The following TMEM63B variants were observed in gnomAD, a reference collection of about 807,000 sequenced individuals.
The protein encoded by TMEM63B is transmembrane protein 63B, also known as mechanosensitive cation channel TMEM63B.
In TMEM63B, 23 loss-of-function variants were observed where a neutral mutation model predicts 102.6. The ratio of observed to expected loss-of-function variants is 0.22; its 90% confidence interval spans 0.16 to 0.32. The LOEUF is 0.32. Among genes scored for constraint, TMEM63B ranks in the 10% least tolerant of loss-of-function variants. The probability of loss-of-function intolerance (pLI) is 1.00; values close to 1 mark genes in which losing one functional copy is unlikely to be tolerated. For synonymous variants in TMEM63B, 444 were observed against 437.0 expected, an observed-to-expected ratio of 1.02 and a Z score of -0.20; for missense variants, 628 against 1,095.9, an observed-to-expected ratio of 0.57 and a Z score of 6.03.
chr6:44,151,204 T>G (rs1204039355), intron 18 of TMEM63B, among the ~76,000 whole-genome samples: 1 of 152,078 alleles, frequency 6.6e-6, no homozygotes, highest in Non-Finnish European at 1.5e-5. Flanking sequence ...CTCTAAAATT[T>G]CAGGCTTTTA....
Position 44,152,687 on chromosome 6 carries a change from T to G in TMEM63B, c.1931T>G (p.Ile644Ser). The part of the protein sequence containing the change: ...VMTYSITCPI[I>S]VPFGLMYMLL... ...ACCTACAGTATCACCTGCCCCATCA[T>G]CGTGCCCTTCGGTAGGCACCGCCGC... Residue 644 changes from isoleucine (I) to serine (S), a missense_variant, in exon 20 of 24, where the codon ATC becomes AGC. Physicochemically the swap from Ile to Ser is moderately radical, Grantham distance 142. This residue lies in a region of TMEM63B where 90 missense variants were observed against 136.7 expected (regional missense o/e 0.66). Transcript: ENST00000323267. The surrounding 1 kb of genome is among the most constrained non-coding windows in gnomAD (Gnocchi z 6.4). 6.2e-7 allele frequency: 1 copy of G among 1,606,732 alleles called. No homozygotes were observed. The highest frequency in any genetic ancestry group is 8.5e-7 in the Non-Finnish European group (1 of 1,179,904).
chr6:44,145,287 A>AC (rs1259235424), intron 10 of TMEM63B, among the ~76,000 whole-genome samples: 1 of 151,616 alleles, frequency 6.6e-6, no homozygotes, highest in African/African-American at 2.4e-5. Context: ...AAAAAAAAAA[A>AC]AAAAGCTATT....
chr6:44,145,016 C>T (rs1328339994), intron 10 of TMEM63B, among the ~76,000 whole-genome samples: 2 of 152,272 alleles, frequency 1.3e-5, no homozygotes, highest in South Asian at 2.1e-4. Flanking sequence ...GTGGCTCACA[C>T]CTGTAATCCC....
chr6:44,149,957 C>T lies in TMEM63B; in HGVS notation c.1512C>T (p.His504=). 6.2e-7 allele frequency: 1 copy of T among 1,613,206 alleles called. No individual in the cohort carries two copies. Residue 504 remains histidine, a synonymous_variant, in exon 16 of 24, where the codon CAC becomes CAT. Coordinates refer to ENST00000323267, the MANE Select transcript of TMEM63B (RefSeq NM_018426.3). ...IVYYSAFFEA[H]WTRSGENRTT... ...ACTACTCAGCCTTCTTTGAAGCCCA[C>T]TGGACACGGTAAGGTGCCTCCACTC...
In TMEM63B at chr6:44,139,768, C is replaced by T. The variant is rs139340075; in HGVS notation, c.602+9C>T. 2.4e-4 allele frequency: 392 copies of T among 1,614,092 alleles called. 1 individual carries two copies. In the African/African-American group the frequency reaches 3.3e-3, roughly 14 times the overall value. ...GCCAACTTGAAATCAGGGTAAGATGCGAAGCTGGTCGGCCAGGCCAAGGTC... is the reference window on the plus strand; with the variant it reads ...GCCAACTTGAAATCAGGGTAAGATGTGAAGCTGGTCGGCCAGGCCAAGGTC... On this transcript the variant is annotated intron_variant, in intron 8 of 23. Transcript: ENST00000323267.
chr6:44,149,983 AC>A lies in TMEM63B; in HGVS notation c.1520+19del. On this transcript the variant is annotated intron_variant, in intron 16 of 23. Coordinates refer to ENST00000323267, the MANE Select transcript of TMEM63B (RefSeq NM_018426.3). ...TGGACACGGTAAGGTGCCTCCACTC[AC>A]ACCACACCTCGCTGTGGCCTGCCCT... The A allele has an allele frequency of 6.2e-7, 1 of 1,605,316 alleles. No homozygotes were observed. Among genetic ancestry groups the A allele is most frequent in the South Asian group, 1.1e-5 (1 of 89,970 alleles).
At position 44,155,412 on chromosome 6, in the gene TMEM63B, G is replaced by GGTGGGC. The variant is rs1767843977; in HGVS notation, c.*530_*535dup. ...ACAGCTGGGGTGGCCTGGGGGTGGG[G>GGTGGGC]GTGGGCAAGGCTGACACTGGAAAAT... On this transcript the variant is annotated 3_prime_UTR_variant, in exon 24 of 24. Coordinates refer to ENST00000323267, the MANE Select transcript of TMEM63B (RefSeq NM_018426.3). The GGTGGGC allele has an allele frequency of 6.6e-6, 1 of 152,160 alleles. No individual in the cohort carries two copies. Among genetic ancestry groups the GGTGGGC allele is most frequent in the African/African-American group, 2.4e-5 (1 of 41,388 alleles). 9.4% of individuals were successfully genotyped at this position (152,160 alleles called of 1,614,324 possible). A position where few individuals can be genotyped will look rare whatever the true frequency, so the allele number is the denominator to read the frequency against.
chr6:44,129,753 A>G (rs1175095459), intron 1 of TMEM63B, among the ~76,000 whole-genome samples: 2 of 152,158 alleles, frequency 1.3e-5, no homozygotes, highest in Non-Finnish European at 2.9e-5. Flanking sequence ...TTCTTTCTCT[A>G]AACCAACCCC....
At chr6:44,137,727 C>T (rs1172501328) in intron 5 of TMEM63B, among the ~76,000 whole-genome samples, 1 of 150,948 alleles carries the variant, frequency 6.6e-6, no homozygotes, top group Non-Finnish European at 1.5e-5. Flanking sequence ...GAGACAGAGT[C>T]TTGCTCTGTC....
At chr6:44,153,300 A>C (rs1767185127) in intron 20 of TMEM63B, among the ~76,000 whole-genome samples, 1 of 152,220 alleles carries the variant, frequency 6.6e-6, no homozygotes, top group Admixed American at 6.5e-5. Context: ...TCCCAAACTA[A>C]CTTCCTTGTC....
chr6:44,136,589 G>T, intron 5 of TMEM63B, 150 bp downstream of exon 5: 1 of 651,692 alleles, frequency 1.5e-6, no homozygotes. Flanking sequence ...AGGAGCCACA[G>T]GATGACCCCC....
intron 4 of TMEM63B, 23 bp from the exon 5 acceptor site, chr6:44,136,326 T>A (rs1225963328): frequency 6.2e-6 from 10 of 1,610,042 alleles, no homozygotes; most frequent in Non-Finnish European, 7.6e-6. Context: ...GGCTCTCTGA[T>A]CTCTCATCTC....
In TMEM63B at chr6:44,141,647, G is replaced by C. The variant is rs1288144339; in HGVS notation, c.782+549G>C. 2.6e-5 allele frequency among the ~76,000 whole-genome samples: 4 copies of C among 152,172 alleles called. No homozygotes were observed. In the East Asian group the frequency reaches 7.7e-4, roughly 29 times the overall value. On this transcript the variant is annotated intron_variant, in intron 10 of 23. Transcript: ENST00000323267. The stretch of plus-strand genomic sequence containing the variant: ...CTTACCTGGTCACCCCATGGCTAGG[G>C]ATGCACCTTGGGGCGCAGCTCATAG...
chr6:44,151,142 G>A (rs993507024), intron 18 of TMEM63B, among the ~76,000 whole-genome samples: 5 of 152,028 alleles, frequency 3.3e-5, no homozygotes, highest in African/African-American at 1.2e-4. Flanking sequence ...TGGGCGGGGA[G>A]GCTAAAGGAC....
rs1304728742 is a variant in TMEM63B, at chr6:44,148,311, G to A, written c.1047G>A (p.Arg349=). The A allele has an allele frequency of 6.2e-6, 10 of 1,614,148 alleles. No homozygotes were observed. The highest frequency in any genetic ancestry group is 6.8e-6 in the Non-Finnish European group (8 of 1,180,056). Reference sequence around the variant, plus strand: ...AGAAGCTGAAGGAAGACTACAAGCGGGAGAAGGAGAAGGTGAATGAGAAGC... The same window carrying A: ...AGAAGCTGAAGGAAGACTACAAGCGAGAGAAGGAGAAGGTGAATGAGAAGC... ...LEQKLKEDYK[R]EKEKVNEKPL... Residue 349 remains arginine, a synonymous_variant, in exon 13 of 24, where the codon CGG becomes CGA. Coordinates refer to ENST00000323267, the MANE Select transcript of TMEM63B (RefSeq NM_018426.3). The surrounding 1 kb of genome is among the most constrained non-coding windows in gnomAD (Gnocchi z 5.1).
At chr6:44,146,490 G>A (rs747268046) in intron 10 of TMEM63B, among the ~76,000 whole-genome samples, 21 of 137,408 alleles carry the variant, frequency 1.5e-4, no homozygotes, top group African/African-American at 4.2e-4. Context: ...TCGCTCTGTC[G>A]CCCAGTCTGG....
At position 44,148,593 on chromosome 6, in the gene TMEM63B, C is replaced by T; in HGVS notation, c.1202C>T (p.Ser401Phe). The change falls in exon 14 of 24, where the codon TCC becomes TTC. Residue 401 changes from serine to phenylalanine, a missense_variant. By Grantham distance (155) the Ser-to-Phe change is radical. This residue lies in a region of TMEM63B where 336 missense variants were observed against 580.3 expected (regional missense o/e 0.58). Coordinates refer to ENST00000323267, the MANE Select transcript of TMEM63B (RefSeq NM_018426.3). This position sits in a 1 kb window ranked among gnomAD's most constrained non-coding sequence, Gnocchi z 5.1. Reference protein sequence around the residue: ...GEPRPSSCSESLHISNWTVSY... With the variant: ...GEPRPSSCSEFLHISNWTVSY... ...CCACGCCCCTCATCCTGCAGCGAGT[C>T]CCTGCACATCTCCAACTGGACCGTG... is the stretch of plus-strand genomic sequence containing the variant. 1.2e-6 allele frequency: 2 copies of T among 1,614,222 alleles called. No homozygotes were observed. Among genetic ancestry groups the T allele is most frequent in the Non-Finnish European group, 1.7e-6 (2 of 1,180,038 alleles).
chr6:44,154,259 G>C, intron 22 of TMEM63B, 71 bp downstream of exon 22: 1 of 1,596,900 alleles, frequency 6.3e-7, no homozygotes, highest in Non-Finnish European at 8.6e-7. Flanking sequence ...AGGGCCACAG[G>C]GCTGGCGAGG....
chr6:44,138,524 G>T lies in TMEM63B; in HGVS notation c.407+7G>T, dbSNP rs1005498236. On this transcript the variant is annotated splice_region_variant and intron_variant, in intron 6 of 23. Transcript: ENST00000323267. The stretch of plus-strand genomic sequence containing the variant: ...CAGCCATCTTCAGGATAAAGTAAGT[G>T]GACCATCTTCAAGCTCTAAAGAAAG... The T allele has an allele frequency of 2.5e-6, 4 of 1,613,936 alleles. No homozygotes were observed. The highest frequency in any genetic ancestry group is 1.7e-5 in the Admixed American group (1 of 60,010).
Sources: gnomAD v4.1 joint callset for allele counts (sites outside exome capture counted in the v4.1 genomes callset) on GRCh38, gnomAD v4.1.1 for gene constraint, gnomAD v4.1.1 regional missense constraint, Gnocchi (gnomAD v3.1) non-coding constraint, MANE v1.5 for transcripts, NCBI Gene and HGNC (gene_info 2026-07-23, HGNC 2026-07-21) for gene names.